RIN3: variants seen among roughly 807,000 people sequenced by gnomAD.
RIN3 encodes the protein Ras and Rab interactor 3.
A neutral mutation model predicts 76.3 loss-of-function variants in RIN3; 54 were observed. The observed-to-expected ratio is 0.71, with a 90% CI of 0.57 to 0.89. The LOEUF is 0.89. Ranked by LOEUF, RIN3 falls within the 40% of genes least tolerant of loss-of-function variation. The probability of loss-of-function intolerance (pLI) is 0.00; values close to 1 mark genes in which losing one functional copy is unlikely to be tolerated. For missense variants in RIN3, 1,256 were observed against 1,322.1 expected, an observed-to-expected ratio of 0.95 and a Z score of 0.78; for synonymous variants, 576 against 564.0, an observed-to-expected ratio of 1.02 and a Z score of -0.30.
Position 92,593,685 on chromosome 14 carries a change from T to TATA in RIN3, c.367+16225_367+16227dup, listed in dbSNP as rs530757225. Reference sequence around the variant, plus strand: ...TGCACATGTACCCTAGAACTTAAAGTATAATAATAATAATAATAAAAAGCT... The same window carrying TATA: ...TGCACATGTACCCTAGAACTTAAAGTATAATAATAATAATAATAATAAAAAGCT... On this transcript the variant is annotated intron_variant, in intron 3 of 9. Coordinates refer to ENST00000216487, the MANE Select transcript of RIN3 (RefSeq NM_024832.5). Among the ~76,000 whole-genome samples the TATA allele has an allele frequency of 3.8e-3, 576 of 151,880 alleles. 5 individuals carry two copies. Among genetic ancestry groups the TATA allele is most frequent in the African/African-American group, 0.013 (547 of 41,424 alleles).
chr14:92,556,188 G>A (rs977121509), intron 2 of RIN3, among the ~76,000 whole-genome samples: 3 of 152,158 alleles, frequency 2.0e-5, no homozygotes, highest in African/African-American at 4.8e-5. Context: ...TGTGACTGGA[G>A]AGCAGGTAGT....
At chr14:92,556,445 G>T (rs1897584998) in intron 2 of RIN3, among the ~76,000 whole-genome samples, 1 of 152,202 alleles carries the variant, frequency 6.6e-6, no homozygotes. Flanking sequence ...TGGGCACACG[G>T]CTTAAATTTT....
intron 7 of RIN3, among the ~76,000 whole-genome samples, chr14:92,661,758 C>CACAAA (rs373869994): frequency 6.8e-5 from 9 of 133,240 alleles, no homozygotes; most frequent in Non-Finnish European, 1.2e-4. Context: ...CACACACACA[C>CACAAA]AAAAAATAGA....
chr14:92,607,428 A>G (rs942841614), intron 3 of RIN3, among the ~76,000 whole-genome samples: 7 of 152,204 alleles, frequency 4.6e-5, no homozygotes, highest in Non-Finnish European at 5.9e-5. Context: ...AGGATTGCTT[A>G]AGGCTAGGAG....
chr14:92,648,831 C>T lies in RIN3; in HGVS notation c.533-2751C>T, dbSNP rs1320782666. ...CGGGGTGGGCAAGGCCTGAGCACAT[C>T]AGGGAGGCGCTACCAGACAGGTCGC... On this transcript the variant is annotated intron_variant, in intron 5 of 9. Coordinates refer to ENST00000216487, the MANE Select transcript of RIN3 (RefSeq NM_024832.5). This position sits in a 1 kb window ranked among gnomAD's most constrained non-coding sequence, Gnocchi z 4.1. Among the ~76,000 whole-genome samples, 1 of 152,166 alleles carries T rather than the reference C, an allele frequency of 6.6e-6. No individual in the cohort carries two copies. Among genetic ancestry groups the T allele is most frequent in the African/African-American group, 2.4e-5 (1 of 41,428 alleles).
At chr14:92,582,026 T>G (rs1056055133) in intron 3 of RIN3, among the ~76,000 whole-genome samples, 62 of 152,128 alleles carry the variant, frequency 4.1e-4, no homozygotes, top group African/African-American at 1.5e-3. Context: ...GATCAGATAT[T>G]GACAGTGATC....
chr14:92,556,673 G>A (rs1455830276), intron 2 of RIN3, among the ~76,000 whole-genome samples: 1 of 152,162 alleles, frequency 6.6e-6, no homozygotes, highest in South Asian at 2.1e-4. Context: ...CTCATCATAT[G>A]TTCCTTTCAC....
At chr14:92,610,217 C>G (rs1264535171) in intron 3 of RIN3, among the ~76,000 whole-genome samples, 2 of 151,998 alleles carry the variant, frequency 1.3e-5, no homozygotes, top group African/African-American at 4.8e-5. Flanking sequence ...GAACTGTACA[C>G]TTAAAAATGG....
intron 1 of RIN3, among the ~76,000 whole-genome samples, chr14:92,539,535 C>T (rs1310982477): frequency 6.6e-6 from 1 of 152,204 alleles, no homozygotes; most frequent in Non-Finnish European, 1.5e-5. Flanking sequence ...GGCTGCATAG[C>T]TCTGGTTGAT....
At chr14:92,661,803 C>T (rs1023123716) in intron 7 of RIN3, among the ~76,000 whole-genome samples, 4 of 151,372 alleles carry the variant, frequency 2.6e-5, no homozygotes, top group Non-Finnish European at 4.4e-5. Flanking sequence ...CACGCCAAGG[C>T]GAACTCCATA....
At chr14:92,570,271 C>T (rs2140050904) in intron 2 of RIN3, among the ~76,000 whole-genome samples, 1 of 152,346 alleles carries the variant, frequency 6.6e-6, no homozygotes, top group African/African-American at 2.4e-5. Context: ...TTTCCACGTC[C>T]TGCTCAGCAG....
chr14:92,679,855 G>C (rs946241286), intron 8 of RIN3, among the ~76,000 whole-genome samples: 1 of 152,228 alleles, frequency 6.6e-6, no homozygotes, highest in Non-Finnish European at 1.5e-5. Flanking sequence ...TTGGGGCCCA[G>C]TTCTGCCTCT....
chr14:92,596,496 C>G (rs1451081270), intron 3 of RIN3, among the ~76,000 whole-genome samples: 2 of 152,170 alleles, frequency 1.3e-5, no homozygotes, highest in African/African-American at 4.8e-5. Flanking sequence ...CCTGTCTTAT[C>G]TCCCATATTC....
chr14:92,563,083 G>GGTGCA (rs1897819034), intron 2 of RIN3, among the ~76,000 whole-genome samples: 1 of 152,194 alleles, frequency 6.6e-6, no homozygotes, highest in African/African-American at 2.4e-5. Flanking sequence ...CAGTGGGCCA[G>GGTGCA]GTGCAGTGAC....
At chr14:92,682,206 A>G (rs369490028) in intron 8 of RIN3, among the ~76,000 whole-genome samples, 1 of 152,134 alleles carries the variant, frequency 6.6e-6, no homozygotes, top group East Asian at 1.9e-4. Flanking sequence ...CTATACTGCT[A>G]TGAAAGGGTG....
Position 92,544,881 on chromosome 14 carries a change from C to T in RIN3, c.45-10870C>T, listed in dbSNP as rs957876416. Among the ~76,000 whole-genome samples, 14 of 152,034 alleles carry T rather than the reference C, an allele frequency of 9.2e-5. No homozygotes were observed. The East Asian group carries it at 1.3e-3, about 15-fold the overall frequency. On this transcript the variant is annotated intron_variant, in intron 1 of 9. Transcript: ENST00000216487. ...TTGCAGAACTGGTTGAAACCTCCTT[C>T]GCACCCCTCCCTGATCCTATTTTTC... is the stretch of plus-strand genomic sequence containing the variant.
chr14:92,623,378 T>C lies in RIN3; in HGVS notation c.440+7899T>C, dbSNP rs1886248696. Among the ~76,000 whole-genome samples, 1 of 152,238 alleles carries C rather than the reference T, an allele frequency of 6.6e-6. No homozygotes were observed. Among genetic ancestry groups the C allele is most frequent in the African/African-American group, 2.4e-5 (1 of 41,474 alleles). ...AGGCCCTAATTGTTCAGCTATTCCT[T>C]GGATAGCATCCCTAGTGTAATTAAT... On this transcript the variant is annotated intron_variant, in intron 4 of 9. Coordinates refer to ENST00000216487, the MANE Select transcript of RIN3 (RefSeq NM_024832.5). The surrounding 1 kb of genome is among the most constrained non-coding windows in gnomAD (Gnocchi z 4.9).
intron 1 of RIN3, 24 bp downstream of exon 1, chr14:92,514,000 C>G: frequency 8.1e-7 from 1 of 1,231,218 alleles, no homozygotes. Flanking sequence ...GCCGCCCCCT[C>G]CTCCCTCGCG....
intron 3 of RIN3, among the ~76,000 whole-genome samples, chr14:92,603,161 G>A (rs1727715545): frequency 6.6e-6 from 1 of 152,176 alleles, no homozygotes; most frequent in Admixed American, 6.5e-5. Context: ...GACAGGTGTT[G>A]GAGCCTTACA....
Sources: allele counts gnomAD v4.1 joint callset (sites outside exome capture counted in the v4.1 genomes callset), GRCh38; gene constraint gnomAD v4.1.1; non-coding constraint Gnocchi (gnomAD v3.1); transcripts MANE v1.5; gene names NCBI Gene and HGNC (gene_info 2026-07-23, HGNC 2026-07-21).